Variants in GRM4 observed in about 807,000 individuals in gnomAD.
The protein encoded by GRM4 is metabotropic glutamate receptor 4.
GRM4 carries 28 observed loss-of-function variants against 81.7 expected under a neutral mutation model. The observed-to-expected ratio is 0.34, with a 90% CI of 0.25 to 0.47. The LOEUF (loss-of-function observed/expected upper bound fraction) is 0.47. GRM4 is among the 20% of genes least tolerant of loss of function. The pLI is 1.00. For missense variants in GRM4, 948 were observed against 1,290.0 expected (o/e 0.73, Z 4.06); for synonymous variants, 488 against 528.8 (o/e 0.92, Z 1.06).
In GRM4 at chr6:34,119,288, C is replaced by T. The variant is rs148946063; in HGVS notation, c.519+13690G>A. Among the ~76,000 whole-genome samples the T allele has an allele frequency of 6.4e-4, 97 of 152,250 alleles. 1 individual carries two copies. Among genetic ancestry groups the T allele is most frequent in the African/African-American group, 2.1e-3 (89 of 41,548 alleles). Reference sequence around the variant, plus strand: ...GCGGGCGCCTGTAATCCCAGTTACTCGGGAGGCTAAGGCAGGAGGATTGCT... The same window carrying T: ...GCGGGCGCCTGTAATCCCAGTTACTTGGGAGGCTAAGGCAGGAGGATTGCT... On this transcript the variant is annotated intron_variant, in intron 2 of 10. Coordinates refer to ENST00000538487, the MANE Select transcript of GRM4 (RefSeq NM_000841.4).
At chr6:34,116,512 G>T (rs1303162749) in intron 2 of GRM4, among the ~76,000 whole-genome samples, 1 of 152,202 alleles carries the variant, frequency 6.6e-6, no homozygotes, top group Non-Finnish European at 1.5e-5. Flanking sequence ...CAGCAGAAGA[G>T]GGGGCATTGG....
Position 34,090,883 on chromosome 6 carries a change from G to A in GRM4, c.736+1000C>T, listed in dbSNP as rs917187571. Among the ~76,000 whole-genome samples, 5 of 152,266 alleles carry A rather than the reference G, an allele frequency of 3.3e-5. No homozygotes were observed. Among genetic ancestry groups the A allele is most frequent in the African/African-American group, 1.2e-4 (5 of 41,546 alleles). ...GAGCTGTGTAGAGGCAGGGCCTTGG[G>A]AGAGACCAGGGGCAGGGCAGACGGG... is the stretch of plus-strand genomic sequence containing the variant. On this transcript the variant is annotated intron_variant, in intron 3 of 10. Coordinates refer to ENST00000538487, the MANE Select transcript of GRM4 (RefSeq NM_000841.4). This position sits in a 1 kb window ranked among gnomAD's most constrained non-coding sequence, Gnocchi z 5.2.
chr6:34,155,383 G>C, exon 1 of GRM4: 1 of 1,497,856 alleles, frequency 6.7e-7, no homozygotes, highest in Non-Finnish European at 8.9e-7. Context: ...AGGCTCCCAA[G>C]CCGGCATCCT....
At chr6:34,109,120 AC>A in intron 2 of GRM4, among the ~76,000 whole-genome samples, 1 of 151,890 alleles carries the variant, frequency 6.6e-6, no homozygotes, top group Middle Eastern at 3.2e-3. Context: ...AAAGATCGAA[AC>A]CCTTCCTTGC....
rs3222082 is a variant in GRM4 at position 34,069,647 on chromosome 6, A to AGTGTGTGTGTGTGT, written c.737-7633_737-7620dup. 1.3e-3 allele frequency among the ~76,000 whole-genome samples: 183 copies of AGTGTGTGTGTGTGT among 144,474 alleles called. 1 individual carries two copies. Among genetic ancestry groups the AGTGTGTGTGTGTGT allele is most frequent in the African/African-American group, 2.8e-3 (112 of 40,472 alleles). 94.8% of individuals were successfully genotyped at this position (144,474 alleles called of 152,430 possible). A position where few individuals can be genotyped will look rare whatever the true frequency, so the allele number is the denominator to read the frequency against. On this transcript the variant is annotated intron_variant, in intron 3 of 10. Transcript: ENST00000538487. This position sits in a 1 kb window ranked among gnomAD's most constrained non-coding sequence, Gnocchi z 6.4. ...GGCTTTACAACCCTTGGCAGCCCCC[A>AGTGTGTGTGTGTGT]GTGTGTGTGTGTGTGTGTGTGTGTG... is the stretch of plus-strand genomic sequence containing the variant.
intron 2 of GRM4, among the ~76,000 whole-genome samples, chr6:34,094,791 G>A (rs556531472): frequency 2.0e-4 from 31 of 152,230 alleles, no homozygotes; most frequent in Admixed American, 1.1e-3. Flanking sequence ...CTTGATTCCC[G>A]GCAGGGGTTG....
In GRM4 at chr6:34,090,899, G is replaced by A. The variant is rs1446082233; in HGVS notation, c.736+984C>T. 6.6e-6 allele frequency among the ~76,000 whole-genome samples: 1 copy of A among 152,158 alleles called. No homozygotes were observed. The highest frequency in any genetic ancestry group is 6.5e-5 in the Admixed American group (1 of 15,288). ...GGGCCTTGGGAGAGACCAGGGGCAG[G>A]GCAGACGGGCCCTCTCTGCAGGAGG... On this transcript the variant is annotated intron_variant, in intron 3 of 10. Coordinates refer to ENST00000538487, the MANE Select transcript of GRM4 (RefSeq NM_000841.4). This position sits in a 1 kb window ranked among gnomAD's most constrained non-coding sequence, Gnocchi z 5.2.
chr6:34,038,478 A>G (rs1236938556), intron 8 of GRM4, among the ~76,000 whole-genome samples: 2 of 152,190 alleles, frequency 1.3e-5, no homozygotes, highest in Non-Finnish European at 2.9e-5. Context: ...TGTGGAATCT[A>G]TGAAAGAATA....
intron 3 of GRM4, among the ~76,000 whole-genome samples, chr6:34,083,594 T>C (rs1409847192): frequency 6.6e-6 from 1 of 152,122 alleles, no homozygotes; most frequent in African/African-American, 2.4e-5. Context: ...AAAGCCCTGG[T>C]TGATAGGTTA....
chr6:34,109,465 A>G (rs914870685), intron 2 of GRM4, among the ~76,000 whole-genome samples: 2 of 151,842 alleles, frequency 1.3e-5, no homozygotes, highest in Non-Finnish European at 2.9e-5. Flanking sequence ...CAGAGGGGCC[A>G]CCCACCCCAG....
At chr6:34,132,768 C>T (rs1017386608) in intron 2 of GRM4, among the ~76,000 whole-genome samples, 1 of 152,240 alleles carries the variant, frequency 6.6e-6, no homozygotes, top group Admixed American at 6.5e-5. Flanking sequence ...CTTTCATCTG[C>T]TGTGCCTGTG....
At position 34,133,217 on chromosome 6, in the gene GRM4, C is replaced by A; in HGVS notation, c.280G>T (p.Asp94Tyr). 6.2e-7 allele frequency: 1 copy of A among 1,614,160 alleles called. No homozygotes were observed. The highest frequency in any genetic ancestry group is 2.2e-5 in the East Asian group (1 of 44,880). The change falls in exon 2 of 11, where the codon GAC becomes TAC. Residue 94 changes from aspartate (D) to tyrosine (Y), a missense_variant. Transcript: ENST00000538487. This position sits in a 1 kb window ranked among gnomAD's most constrained non-coding sequence, Gnocchi z 6.5. ...CCCAGCGTGATGTTAGGCAGCAGGT[C>A]CGGGTCGTTGTTGATGCGATCCAGG... ...FALDRINNDP[D>Y]LLPNITLGAR... is the part of the protein sequence containing the mutation.
chr6:34,151,206 C>T (rs1771037460), intron 1 of GRM4, among the ~76,000 whole-genome samples: 1 of 152,112 alleles, frequency 6.6e-6, no homozygotes, highest in Admixed American at 6.5e-5. Context: ...AGCACCTGGC[C>T]CTCCACTGGG....
chr6:34,045,584 G>A (rs573169144), intron 6 of GRM4, among the ~76,000 whole-genome samples: 20 of 152,308 alleles, frequency 1.3e-4, no homozygotes, highest in African/African-American at 3.8e-4. Flanking sequence ...CCATTTAGCC[G>A]CTGACCTGCC....
intron 6 of GRM4, among the ~76,000 whole-genome samples, chr6:34,044,147 C>T (rs1765154333): frequency 1.4e-5 from 2 of 140,350 alleles, no homozygotes; most frequent in African/African-American, 5.9e-5. Context: ...TACATACATA[C>T]ACATATATAC....
At chr6:34,146,565 G>A (rs928359064), upstream of GRM4, among the ~76,000 whole-genome samples, 2 of 152,192 alleles carry the variant, frequency 1.3e-5, no homozygotes, top group African/African-American at 4.8e-5. Context: ...AGGATTGCAA[G>A]AGCATCTCAC....
rs1186199823 is a variant in GRM4, at chr6:34,034,747, C to T, written c.2442+921G>A. On this transcript the variant is annotated intron_variant, in intron 9 of 10. Coordinates refer to ENST00000538487, the MANE Select transcript of GRM4 (RefSeq NM_000841.4). The surrounding 1 kb of genome is among the most constrained non-coding windows in gnomAD (Gnocchi z 4.0). ...CAATTTACTGATGAAGAAACTGAGGCCAGGGAGGCCAACTGGCTTGCCCAG... is the reference window on the plus strand; with the variant it reads ...CAATTTACTGATGAAGAAACTGAGGTCAGGGAGGCCAACTGGCTTGCCCAG... Among the ~76,000 whole-genome samples, 1 of 152,230 alleles carries T rather than the reference C, an allele frequency of 6.6e-6. No homozygotes were observed. The highest frequency in any genetic ancestry group is 2.4e-5 in the African/African-American group (1 of 41,454).
chr6:34,120,054 G>A (rs535160303), intron 2 of GRM4, among the ~76,000 whole-genome samples: 47 of 152,276 alleles, frequency 3.1e-4, no homozygotes, highest in Non-Finnish European at 5.9e-4. Context: ...CTTGAAGACC[G>A]AACCATGGGA....
At chr6:34,142,554 G>A in intron 1 of GRM4, among the ~76,000 whole-genome samples, 1 of 152,354 alleles carries the variant, frequency 6.6e-6, no homozygotes, top group Middle Eastern at 3.4e-3. Context: ...CCCGCAGCAG[G>A]GTGGGGATGG....
Sources: allele counts gnomAD v4.1 joint callset (sites outside exome capture counted in the v4.1 genomes callset), GRCh38; gene constraint gnomAD v4.1.1; non-coding constraint Gnocchi (gnomAD v3.1); transcripts MANE v1.5; gene names NCBI Gene and HGNC (gene_info 2026-07-23, HGNC 2026-07-21).